Variants in UIMC1 observed in about 807,000 individuals in gnomAD.
UIMC1 encodes the protein ubiquitin interaction motif containing 1.
In UIMC1, 42 loss-of-function variants were observed where a neutral mutation model predicts 84.9. That is an observed-to-expected ratio of 0.49 (90% CI 0.39 to 0.64). The LOEUF is 0.64. Among genes scored for constraint, UIMC1 ranks in the 30% least tolerant of loss-of-function variants. The pLI is 0.00. For synonymous variants in UIMC1, 281 were observed against 293.0 expected, an observed-to-expected ratio of 0.96 and a Z score of 0.42; for missense variants, 825 against 847.6, an observed-to-expected ratio of 0.97 and a Z score of 0.33.
chr5:176,983,352 G>C (rs1207841706), intron 1 of UIMC1, among the ~76,000 whole-genome samples: 1 of 150,976 alleles, frequency 6.6e-6, no homozygotes, highest in African/African-American at 2.4e-5. Context: ...CTCCTGCCTC[G>C]GCCTGCCAAG....
chr5:177,016,359 A>C (rs1346054900), intron 1 of UIMC1, among the ~76,000 whole-genome samples: 17 of 151,526 alleles, frequency 1.1e-4, no homozygotes. Context: ...GCAAGACTCC[A>C]TCTCAAAAAC....
chr5:176,906,891 A>T (rs1396182029), intron 13 of UIMC1, among the ~76,000 whole-genome samples: 2 of 152,234 alleles, frequency 1.3e-5, no homozygotes, highest in African/African-American at 4.8e-5. Flanking sequence ...GGCTGTCCTG[A>T]TCCAAGGATT....
rs1769915130 is a variant in UIMC1 at position 176,975,458 on chromosome 5, A to C, written c.170T>G (p.Leu57Trp). Residue 57 changes from leucine to tryptophan, a missense_variant, in exon 3 of 15, where the codon TTG becomes TGG. Coordinates refer to ENST00000511320, the MANE Select transcript of UIMC1 (RefSeq NM_001199298.2). ...DGEEPKEENG[L>W]QKTKTKQSNR... ...CGACTGTTTTGTCTTCGTTTTCTGC[A>C]ACCCATTTTCCTCCTTTGGTTCCTG... is the stretch of plus-strand genomic sequence containing the variant. 6.2e-7 allele frequency: 1 copy of C among 1,614,082 alleles called. No homozygotes were observed. The highest frequency in any genetic ancestry group is 8.5e-7 in the Non-Finnish European group (1 of 1,180,004).
rs545946117 is a variant in UIMC1, at chr5:176,950,259, C to T, written c.1443+1215G>A. ...AGACTACAGATGCGCACCACCACGC[C>T]CAGCTAATTTTTGTATTTTTAGTAG... On this transcript the variant is annotated intron_variant, in intron 9 of 14. Coordinates refer to ENST00000511320, the MANE Select transcript of UIMC1 (RefSeq NM_001199298.2). Among the ~76,000 whole-genome samples, 43 of 151,090 alleles carry T rather than the reference C, an allele frequency of 2.8e-4. No individual in the cohort carries two copies. In the South Asian group the frequency reaches 8.4e-3, roughly 29 times the overall value.
intron 1 of UIMC1, among the ~76,000 whole-genome samples, chr5:177,004,090 A>C (rs1774929278): frequency 6.6e-6 from 1 of 152,172 alleles, no homozygotes; most frequent in Non-Finnish European, 1.5e-5. Context: ...CAGCCTCCCA[A>C]AGTGCTGGGA....
chr5:176,991,607 G>A (rs1396522027), intron 1 of UIMC1, among the ~76,000 whole-genome samples: 2 of 143,600 alleles, frequency 1.4e-5, no homozygotes, highest in Non-Finnish European at 3.0e-5. Flanking sequence ...TCAAGCCTGG[G>A]CAACAAGAGT....
At chr5:176,944,694 T>C (rs1347434846) in intron 9 of UIMC1, among the ~76,000 whole-genome samples, 3 of 152,122 alleles carry the variant, frequency 2.0e-5, no homozygotes, top group Non-Finnish European at 2.9e-5. Context: ...GGGTAAGAGG[T>C]TGGGGCTATC....
At chr5:176,967,124 G>A (rs928836468) in intron 6 of UIMC1, among the ~76,000 whole-genome samples, 2 of 152,142 alleles carry the variant, frequency 1.3e-5, no homozygotes, top group African/African-American at 2.4e-5. Context: ...GGGCAATTTG[G>A]CAACAGCTAA....
chr5:177,019,231 C>T (rs981319558), intron 1 of UIMC1, among the ~76,000 whole-genome samples: 4 of 152,162 alleles, frequency 2.6e-5, no homozygotes, highest in Admixed American at 2.6e-4. Context: ...GTGATCTTCA[C>T]AAAACCTTTA....
Position 176,968,740 on chromosome 5 carries a change from C to G in UIMC1, c.1015G>C (p.Gly339Arg), listed in dbSNP as rs1221293765. 9 of 1,614,048 alleles carry G rather than the reference C, an allele frequency of 5.6e-6. No homozygotes were observed. Among genetic ancestry groups the G allele is most frequent in the African/African-American group, 4.0e-5 (3 of 74,908 alleles). Residue 339 changes from glycine (G) to arginine (R), a missense_variant, in exon 6 of 15, where the codon GGA becomes CGA. Gly to Arg is a moderately radical substitution (Grantham distance 125). Transcript: ENST00000511320. ...PSLIQNECGQ[G>R]EQASEKNECI... Reference sequence around the variant, plus strand: ...TCATTTTTCTCACTAGCCTGCTCTCCTTGGCCACATTCATTCTGGATCAGA... The same window carrying G: ...TCATTTTTCTCACTAGCCTGCTCTCGTTGGCCACATTCATTCTGGATCAGA...
chr5:176,987,825 CAA>C (rs908974732), intron 1 of UIMC1, among the ~76,000 whole-genome samples: 3 of 139,286 alleles, frequency 2.2e-5, no homozygotes, highest in African/African-American at 8.0e-5. Flanking sequence ...CCCTGTCTCA[CAA>C]AAAAAAAAGA....
intron 14 of UIMC1, 105 bp from the exon 15 acceptor site, chr5:176,905,597 CA>C: frequency 9.5e-7 from 1 of 1,053,380 alleles, no homozygotes. Context: ...ATTATTAGTA[CA>C]AATAATCTTT....
chr5:177,001,988 T>C (rs897658698), intron 1 of UIMC1: 5 of 140,752 alleles, frequency 3.6e-5, no homozygotes, highest in African/African-American at 1.3e-4. Context: ...CCAGACATGG[T>C]GGCACATACC....
chr5:177,006,694 G>C lies in UIMC1; in HGVS notation c.-53C>G, dbSNP rs1467939808. Reference sequence around the variant, plus strand: ...TGTAGACCTTCTCCGGGTTGCCGGGGGTCGCGAGCCGCCACACGTTGGGAG... The same window carrying C: ...TGTAGACCTTCTCCGGGTTGCCGGGCGTCGCGAGCCGCCACACGTTGGGAG... On this transcript the variant is annotated 5_prime_UTR_variant, in exon 1 of 15. Transcript: ENST00000511320. 2 of 152,174 alleles carry C rather than the reference G, an allele frequency of 1.3e-5. No individual in the cohort carries two copies. The highest frequency in any genetic ancestry group is 3.9e-4 in the East Asian group (2 of 5,158). The allele number at this position is 152,174 out of a possible 1,614,324, so 9.4% of individuals were successfully genotyped here. A position where few individuals can be genotyped will look rare whatever the true frequency, so the allele number is the denominator to read the frequency against.
chr5:177,013,361 A>AACACACACACACACACAC (rs6149367), intron 1 of UIMC1, among the ~76,000 whole-genome samples: 1 of 137,732 alleles, frequency 7.3e-6, no homozygotes, highest in African/African-American at 2.7e-5. Flanking sequence ...ACTGCATCCA[A>AACACACACACACACACAC]ACACACACAC....
At chr5:176,908,419 G>A (rs1759686025) in intron 12 of UIMC1, 104 bp downstream of exon 12, 8 of 1,150,164 alleles carry the variant, frequency 7.0e-6, no homozygotes, top group Non-Finnish European at 9.4e-6. Context: ...TAAATAGAGG[G>A]AAGAGGGGAG....
chr5:176,911,399 T>G lies in UIMC1; in HGVS notation c.1598-10A>C. 6.5e-7 allele frequency: 1 copy of G among 1,546,186 alleles called. No homozygotes were observed. ...TGTCTCCGAGTCAATACTTTTAATA[T>G]AAAAAATATATATATATACACATAG... is the stretch of plus-strand genomic sequence containing the variant. On this transcript the variant is annotated splice_polypyrimidine_tract_variant and intron_variant, in intron 10 of 14. Coordinates refer to ENST00000511320, the MANE Select transcript of UIMC1 (RefSeq NM_001199298.2).
At chr5:176,930,125 G>A (rs543024208) in intron 10 of UIMC1, among the ~76,000 whole-genome samples, 2 of 152,144 alleles carry the variant, frequency 1.3e-5, no homozygotes, top group East Asian at 1.9e-4. Flanking sequence ...CCCAACTTAG[G>A]AACTAGAATA....
At chr5:176,986,505 A>AGGCAACTG (rs1379459220) in intron 1 of UIMC1, among the ~76,000 whole-genome samples, 1 of 145,784 alleles carries the variant, frequency 6.9e-6, no homozygotes, top group Admixed American at 7.3e-5. Context: ...ACTTCAGCCT[A>AGGCAACTG]GGCAACTGGG....
Sources: gnomAD v4.1 joint callset for allele counts (sites outside exome capture counted in the v4.1 genomes callset) on GRCh38, gnomAD v4.1.1 for gene constraint, MANE v1.5 for transcripts, NCBI Gene and HGNC (gene_info 2026-07-23, HGNC 2026-07-21) for gene names.